Variants in CREB5 observed in about 807,000 individuals in gnomAD.
The protein encoded by CREB5 is cyclic AMP-responsive element-binding protein 5.
In CREB5, 19 loss-of-function variants were observed where a neutral mutation model predicts 57.1. That is an observed-to-expected ratio of 0.33 (90% CI 0.23 to 0.49). The LOEUF is 0.49. Among genes scored for constraint, CREB5 ranks in the 20% least tolerant of loss-of-function variants. The pLI, the probability that CREB5 is intolerant of heterozygous loss-of-function variation, is 0.99. For missense variants in CREB5, 579 were observed against 671.6 expected (o/e 0.86, Z 1.52); for synonymous variants, 238 against 238.3 (o/e 1.00, Z 0.01).
chr7:28,501,393 T>C (rs1414725517), intron 3 of CREB5, among the ~76,000 whole-genome samples: 1 of 152,224 alleles, frequency 6.6e-6, no homozygotes, highest in Non-Finnish European at 1.5e-5. Flanking sequence ...TAAGTGTTAC[T>C]GGCATTTATA....
intron 9 of CREB5, among the ~76,000 whole-genome samples, chr7:28,811,714 A>T (rs1216150400): frequency 6.6e-6 from 1 of 152,066 alleles, no homozygotes; most frequent in Admixed American, 6.6e-5. Flanking sequence ...TTTGATGTGT[A>T]TTGAAAAATA....
chr7:28,636,823 T>C (rs1024782826), intron 5 of CREB5, among the ~76,000 whole-genome samples: 1 of 152,176 alleles, frequency 6.6e-6, no homozygotes, highest in Non-Finnish European at 1.5e-5. Flanking sequence ...GTCTCTTTTA[T>C]CCAGCCTCCT....
intron 4 of CREB5, among the ~76,000 whole-genome samples, chr7:28,529,263 G>A (rs1388740944): frequency 6.6e-6 from 1 of 152,208 alleles, no homozygotes; most frequent in Non-Finnish European, 1.5e-5. Flanking sequence ...TGACTATGGA[G>A]CTCTGCTAAT....
intron 1 of CREB5, among the ~76,000 whole-genome samples, chr7:28,322,302 G>T (rs1428493955): frequency 6.6e-6 from 1 of 152,092 alleles, no homozygotes; most frequent in African/African-American, 2.4e-5. Context: ...TTTACCTTAG[G>T]TCTTACTCTT....
rs993368189 is a variant in CREB5 at position 28,509,468 on chromosome 7, T to C, written c.291+1731T>C. On this transcript the variant is annotated intron_variant, in intron 4 of 10. Coordinates refer to ENST00000357727, the MANE Select transcript of CREB5 (RefSeq NM_182898.4). ...ACTGGTTCTGTTTCTCTTTTCGCTT[T>C]GACTGCCAGGTTAACACAAAGCCAA... Among the ~76,000 whole-genome samples, 7 of 152,192 alleles carry C rather than the reference T, an allele frequency of 4.6e-5. No individual in the cohort carries two copies. The South Asian group carries it at 1.2e-3, about 27-fold the overall frequency.
intron 7 of CREB5, among the ~76,000 whole-genome samples, chr7:28,750,313 C>T (rs886889180): frequency 1.2e-4 from 19 of 152,124 alleles, no homozygotes; most frequent in African/African-American, 4.3e-4. Context: ...AGTTGGGGCT[C>T]ATCATCCTTT....
intron 5 of CREB5, among the ~76,000 whole-genome samples, chr7:28,597,295 C>A (rs1195418562): frequency 6.6e-6 from 1 of 152,198 alleles, no homozygotes; most frequent in Non-Finnish European, 1.5e-5. Flanking sequence ...CAGGAGCAGC[C>A]ATCCTCTCAG....
At chr7:28,658,830 G>T (rs1271813625) in intron 5 of CREB5, among the ~76,000 whole-genome samples, 2 of 151,376 alleles carry the variant, frequency 1.3e-5, no homozygotes, top group Non-Finnish European at 2.9e-5. Context: ...GCCTCCTGTT[G>T]TAGGGGAAAA....
At chr7:28,524,314 T>TA (rs1334554083) in intron 4 of CREB5, among the ~76,000 whole-genome samples, 1 of 79,894 alleles carries the variant, frequency 1.3e-5, no homozygotes, top group African/African-American at 4.3e-5. Context: ...TCGCCTCTAC[T>TA]AAACACACAC....
Position 28,818,185 on chromosome 7 carries a change from T to C in CREB5, c.1363+6T>C, listed in dbSNP as rs370136481. ...AGAATCACAAGGATATCTAAGTAAG[T>C]CGCCGACTTTTTCACTTTTCTTTAG... is the stretch of plus-strand genomic sequence containing the variant. On this transcript the variant is annotated splice_donor_region_variant and intron_variant, in intron 10 of 10. Transcript: ENST00000357727. The C allele has an allele frequency of 3.1e-6, 5 of 1,600,734 alleles. No individual in the cohort carries two copies. The highest frequency in any genetic ancestry group is 4.3e-6 in the Non-Finnish European group (5 of 1,171,394).
intron 4 of CREB5, among the ~76,000 whole-genome samples, chr7:28,537,010 C>T (rs779270353): frequency 5.3e-5 from 8 of 152,198 alleles, no homozygotes; most frequent in Non-Finnish European, 8.8e-5. Context: ...GTACTACATA[C>T]CACAATTGTG....
At chr7:28,527,929 T>C (rs1037810253) in intron 4 of CREB5, among the ~76,000 whole-genome samples, 23 of 152,246 alleles carry the variant, frequency 1.5e-4, no homozygotes, top group African/African-American at 5.3e-4. Flanking sequence ...GAGCTTGAGC[T>C]ATCCATACCT....
At chr7:28,779,879 G>C (rs961426245) in intron 7 of CREB5, among the ~76,000 whole-genome samples, 23 of 152,088 alleles carry the variant, frequency 1.5e-4, no homozygotes, top group Non-Finnish European at 4.4e-5. Context: ...CTCTTTCACT[G>C]ATTTGACACT....
Position 28,467,001 on chromosome 7 carries a change from G to A in CREB5, c.4-21174G>A, listed in dbSNP as rs1321391036. ...ACAGCAGGGGGCTTTTCCAACCTCT[G>A]AGCCTGGAGGGACAGGGGGCCAAGG... is the stretch of plus-strand genomic sequence containing the variant. On this transcript the variant is annotated intron_variant, in intron 1 of 10. Transcript: ENST00000357727. 5.3e-5 allele frequency among the ~76,000 whole-genome samples: 8 copies of A among 152,212 alleles called. No homozygotes were observed. The East Asian group carries it at 1.5e-3, about 29-fold the overall frequency.
In CREB5 at chr7:28,703,277, G is replaced by T. The variant is rs182608159; in HGVS notation, c.465-15476G>T. Among the ~76,000 whole-genome samples the T allele has an allele frequency of 5.3e-5, 8 of 152,272 alleles. No homozygotes were observed. In the East Asian group the frequency reaches 1.5e-3, roughly 29 times the overall value. On this transcript the variant is annotated intron_variant, in intron 5 of 10. Transcript: ENST00000357727. ...ATGGAGCCAAGTGGATACACTCCAG[G>T]TCTATTTTGGGGGTGGAGTGAATAG...
intron 2 of CREB5, among the ~76,000 whole-genome samples, chr7:28,494,240 A>C (rs1791922772): frequency 6.6e-6 from 1 of 152,226 alleles, no homozygotes; most frequent in Non-Finnish European, 1.5e-5. Context: ...CATATGTATA[A>C]GAAGAAATGG....
intron 3 of CREB5, among the ~76,000 whole-genome samples, chr7:28,500,205 CA>C (rs1297222148): frequency 1.3e-5 from 2 of 152,148 alleles, no homozygotes; most frequent in Admixed American, 6.5e-5. Context: ...AAATAAGTAT[CA>C]GTTAGTGACA....
At chr7:28,722,983 T>A (rs1260489510) in intron 6 of CREB5, among the ~76,000 whole-genome samples, 2 of 152,228 alleles carry the variant, frequency 1.3e-5, no homozygotes, top group Admixed American at 6.5e-5. Flanking sequence ...AAGGGTCATT[T>A]AGTTCAATGA....
In CREB5 at chr7:28,488,175, A is replaced by T. The variant is rs756283622; in HGVS notation, c.4A>T (p.Ile2Phe). Residue 2 changes from isoleucine to phenylalanine, a missense_variant and splice_region_variant, in exon 2 of 11, where the codon ATT becomes TTT. Around this residue, in one of 3 missense-constraint regions of CREB5, gnomAD observed 459 missense variants for 515.7 expected, o/e 0.89. Coordinates refer to ENST00000357727, the MANE Select transcript of CREB5 (RefSeq NM_182898.4). M[I>F]YEESKMNLEQ... ...CCTCCCTTTCCCTCTGATCCTTCAGATTTATGAGGAATCCAAGATGAATTT... is the reference window on the plus strand; with the variant it reads ...CCTCCCTTTCCCTCTGATCCTTCAGTTTTATGAGGAATCCAAGATGAATTT... 1 of 1,613,642 alleles carries T rather than the reference A, an allele frequency of 6.2e-7. No homozygotes were observed. Among genetic ancestry groups the T allele is most frequent in the Non-Finnish European group, 8.5e-7 (1 of 1,179,758 alleles).
Sources: gnomAD v4.1 joint callset for allele counts (sites outside exome capture counted in the v4.1 genomes callset) on GRCh38, gnomAD v4.1.1 for gene constraint, gnomAD v4.1.1 regional missense constraint, MANE v1.5 for transcripts, NCBI Gene and HGNC (gene_info 2026-07-23, HGNC 2026-07-21) for gene names.